The following NOX5 variants were observed in gnomAD, a reference collection of about 807,000 sequenced individuals.
NOX5 encodes NADPH oxidase 5.
NOX5 carries 76 observed loss-of-function variants against 85.7 expected under a neutral mutation model. That is an observed-to-expected ratio of 0.89 (90% CI 0.74 to 1.07). The LOEUF is 1.07. NOX5 is among the 50% of genes least tolerant of loss of function. The pLI, the probability that NOX5 is intolerant of heterozygous loss-of-function variation, is 0.00. For synonymous variants in NOX5, 405 were observed against 401.4 expected, an observed-to-expected ratio of 1.01 and a Z score of -0.11; for missense variants, 973 against 999.5, an observed-to-expected ratio of 0.97 and a Z score of 0.36.
rs1346563632 is a variant in NOX5 at position 69,031,591 on chromosome 15, A to G, written c.399A>G (p.Pro133=). 1 of 1,612,972 alleles carries G rather than the reference A, an allele frequency of 6.2e-7. No homozygotes were observed. The highest frequency in any genetic ancestry group is 8.5e-7 in the Non-Finnish European group (1 of 1,180,042). Reference sequence around the variant, plus strand: ...CAGGCCCGCACTGGGCTTCATCCCCACTCGGGACAGGCAGTGGCTCCATTG... The same window carrying G: ...CAGGCCCGCACTGGGCTTCATCCCCGCTCGGGACAGGCAGTGGCTCCATTG... ...AGAGPHWASS[P]LGTGSGSIDP... is the part of the protein sequence containing the mutation. Residue 133 remains proline (P), a synonymous_variant, in exon 4 of 16, where the codon CCA becomes CCG. Transcript: ENST00000388866.
chr15:69,049,005 T>C lies in NOX5; in HGVS notation c.1946T>C (p.Phe649Ser). ...AGAGACCAGCGGTCTTTCGAGTGGT[T>C]TGTGAGCCTGCTGACTAAACTGGAG... is the stretch of plus-strand genomic sequence containing the variant. Reference protein sequence around the residue: ...INRDQRSFEWFVSLLTKLEMD... With the variant: ...INRDQRSFEWSVSLLTKLEMD... Residue 649 changes from phenylalanine to serine, a missense_variant, in exon 14 of 16, where the codon TTT (phenylalanine) becomes TCT (serine). Transcript: ENST00000388866. 5 of 1,612,866 alleles carry C rather than the reference T, an allele frequency of 3.1e-6. No individual in the cohort carries two copies. Among genetic ancestry groups the C allele is most frequent in the Non-Finnish European group, 2.5e-6 (3 of 1,179,582 alleles).
intron 14 of NOX5, 26 bp from the exon 15 acceptor site, chr15:69,055,308 T>C: frequency 3.1e-6 from 5 of 1,611,838 alleles, no homozygotes; most frequent in African/African-American, 1.3e-5. Context: ...AGACCCTCAG[T>C]GCAGCCCTTG....
At chr15:69,016,112 A>C (rs1161747387) in intron 1 of NOX5, among the ~76,000 whole-genome samples, 1 of 152,172 alleles carries the variant, frequency 6.6e-6, no homozygotes, top group Non-Finnish European at 1.5e-5. Flanking sequence ...GGATAGTAAT[A>C]ATACCTACCT....
rs935376693 is a variant in NOX5, at chr15:69,042,746, C to T, written c.1588C>T (p.Arg530Cys). ...ESFKASDPLG[R>C]GSKRLSRSVT... is the part of the protein sequence containing the mutation. ...CTTCAAGGCATCAGACCCACTGGGC[C>T]GTGGTTCTAAGAGGCTGTCGAGGAG... Residue 530 changes from arginine (R) to cysteine (C), a missense_variant, in exon 10 of 16, where the codon CGT becomes TGT. Physicochemically the swap from Arg to Cys is radical, Grantham distance 180. Transcript: ENST00000388866. 23 of 1,614,002 alleles carry T rather than the reference C, an allele frequency of 1.4e-5. No homozygotes were observed. Among genetic ancestry groups the T allele is most frequent in the Middle Eastern group, 1.6e-4 (1 of 6,082 alleles).
chr15:69,056,763 C>T lies in NOX5; in HGVS notation c.*67C>T, dbSNP rs890993413. 79 of 1,572,856 alleles carry T rather than the reference C, an allele frequency of 5.0e-5. No homozygotes were observed. The highest frequency in any genetic ancestry group is 6.7e-5 in the Non-Finnish European group (78 of 1,159,612). ...CTGCTTCATTGCATTAGTATAAATGCCCCCACAGGGACCAGCCTCAGATGA... is the reference window on the plus strand; with the variant it reads ...CTGCTTCATTGCATTAGTATAAATGTCCCCACAGGGACCAGCCTCAGATGA... On this transcript the variant is annotated 3_prime_UTR_variant, in exon 16 of 16. Coordinates refer to ENST00000388866, the MANE Select transcript of NOX5 (RefSeq NM_024505.4).
At chr15:69,023,476 A>C (rs2050319595) in intron 1 of NOX5, 1 of 417,016 alleles carries the variant, frequency 2.4e-6, no homozygotes, top group South Asian at 1.9e-5. Context: ...ATTCTACTGA[A>C]ATCCCGAATA....
chr15:69,020,037 A>G (rs2050278481), intron 1 of NOX5, among the ~76,000 whole-genome samples: 2 of 152,174 alleles, frequency 1.3e-5, no homozygotes, highest in Admixed American at 6.5e-5. Context: ...GTCCTTTTAT[A>G]TCTTTTGCTA....
chr15:69,026,433 C>A (rs2050358868), intron 1 of NOX5, 95 bp from the exon 2 acceptor site: 4 of 1,525,418 alleles, frequency 2.6e-6, no homozygotes, highest in African/African-American at 1.4e-5. Context: ...GCTCAGGGCC[C>A]TAGTTAGAGC....
chr15:69,049,718 G>C (rs2050723932), intron 14 of NOX5, among the ~76,000 whole-genome samples: 1 of 152,106 alleles, frequency 6.6e-6, no homozygotes, highest in Admixed American at 6.6e-5. Context: ...CCTCACCCCA[G>C]ATCTTCCAAA....
Position 69,039,134 on chromosome 15 carries a change from C to A in NOX5, c.1504+145C>A, listed in dbSNP as rs1325112871. On this transcript the variant is annotated intron_variant, in intron 9 of 15. Coordinates refer to ENST00000388866, the MANE Select transcript of NOX5 (RefSeq NM_024505.4). ...CAAAAAGCTCTCTTTGAAGTGGGAG[C>A]AGGCATGCAGACACCGATTGGCATG... 5 of 896,222 alleles carry A rather than the reference C, an allele frequency of 5.6e-6. No individual in the cohort carries two copies. The East Asian group carries it at 9.7e-5, about 17-fold the overall frequency. 55.5% of individuals were successfully genotyped at this position (896,222 alleles called of 1,614,324 possible). A position where few individuals can be genotyped will look rare whatever the true frequency, so the allele number is the denominator to read the frequency against.
intron 3 of NOX5, chr15:69,030,530 G>A (rs1347951494): frequency 6.6e-6 from 1 of 152,356 alleles, no homozygotes; most frequent in East Asian, 1.9e-4. Context: ...TTGGCCAACA[G>A]AGAGATTAAA....
At position 69,059,330 on chromosome 15, in the gene NOX5, A is replaced by C. The variant is rs2050849774; in HGVS notation, c.*2634A>C. The C allele has an allele frequency of 6.6e-6, 1 of 152,150 alleles. No individual in the cohort carries two copies. The highest frequency in any genetic ancestry group is 2.1e-4 in the South Asian group (1 of 4,828). The allele number at this position is 152,150 out of a possible 1,614,324, so 9.4% of individuals were successfully genotyped here. Reference sequence around the variant, plus strand: ...GAAGTGAGACTGGTCCGTGAGTGGCAGTTAATCAAAGGGAAAGGGGCTGGG... The same window carrying C: ...GAAGTGAGACTGGTCCGTGAGTGGCCGTTAATCAAAGGGAAAGGGGCTGGG... On this transcript the variant is annotated 3_prime_UTR_variant, in exon 16 of 16. Transcript: ENST00000388866.
intron 3 of NOX5, 108 bp from the exon 4 acceptor site, chr15:69,031,410 C>A: frequency 7.9e-7 from 1 of 1,266,942 alleles, no homozygotes; most frequent in Non-Finnish European, 1.1e-6. Context: ...GGTTTCTGAG[C>A]TGAGGGTGAC....
intron 3 of NOX5, chr15:69,029,800 C>A (rs1414972321): frequency 6.6e-6 from 1 of 152,082 alleles, no homozygotes; most frequent in African/African-American, 2.4e-5. Context: ...CAGCCTCAGT[C>A]TCCCGAGTAG....
chr15:69,038,940 T>A lies in NOX5; in HGVS notation c.1455T>A (p.Ala485=), dbSNP rs761195628. The change falls in exon 9 of 16, where the codon GCT becomes GCA. Residue 485 remains alanine, a synonymous_variant. Transcript: ENST00000388866. ...TGTATCTGAACATCCCCACCATTGCTCGCTATGAGTGGCACCCCTTCACCA... is the reference window on the plus strand; with the variant it reads ...TGTATCTGAACATCCCCACCATTGCACGCTATGAGTGGCACCCCTTCACCA... ...DYLYLNIPTI[A]RYEWHPFTIS... is the part of the protein sequence containing the mutation. 1.4e-5 allele frequency: 22 copies of A among 1,613,910 alleles called. No individual in the cohort carries two copies. Among genetic ancestry groups the A allele is most frequent in the Non-Finnish European group, 1.7e-6 (2 of 1,180,004 alleles).
chr15:69,033,020 A>T (rs1053231520), intron 4 of NOX5, 23 bp from the exon 5 acceptor site: 1 of 1,532,606 alleles, frequency 6.5e-7, no homozygotes, highest in African/African-American at 1.4e-5. Context: ...CTCGCCTCTG[A>T]GCGGAACCCG....
In NOX5 at chr15:69,033,198, C is replaced by T; in HGVS notation, c.776C>T (p.Ala259Val). 2 of 1,595,410 alleles carry T rather than the reference C, an allele frequency of 1.3e-6. No individual in the cohort carries two copies. The highest frequency in any genetic ancestry group is 8.5e-7 in the Non-Finnish European group (1 of 1,178,152). ...CTGCTCTTCGGGCTGGCGGCCAGCG[C>T]GCACCGGGACCTCGGCGCCAGCGTC... is the stretch of plus-strand genomic sequence containing the variant. ...HVLLFGLAASAHRDLGASVMV... is the reference protein window; with the variant it reads ...HVLLFGLAASVHRDLGASVMV... Residue 259 changes from alanine to valine, a missense_variant, in exon 5 of 16, where the codon GCG becomes GTG. Ala to Val is a moderately conservative substitution (Grantham distance 64). Transcript: ENST00000388866.
intron 9 of NOX5, among the ~76,000 whole-genome samples, chr15:69,039,592 G>C (rs976997142): frequency 2.6e-5 from 4 of 152,190 alleles, no homozygotes; most frequent in African/African-American, 9.6e-5. Context: ...AGCCAGCTCA[G>C]GAGAGGATAT....
At chr15:69,024,883 A>C (rs2050337184) in intron 1 of NOX5, among the ~76,000 whole-genome samples, 1 of 152,148 alleles carries the variant, frequency 6.6e-6, no homozygotes, top group South Asian at 2.1e-4. Context: ...TTGGTTTTCT[A>C]ATACCTTAAT....
Sources: allele counts gnomAD v4.1 joint callset (sites outside exome capture counted in the v4.1 genomes callset), GRCh38; gene constraint gnomAD v4.1.1; transcripts MANE v1.5; gene names NCBI Gene and HGNC (gene_info 2026-07-23, HGNC 2026-07-21).